Variants in CRTAC1 observed in about 807,000 individuals in gnomAD.
CRTAC1 encodes acidic secreted protein in cartilage.
CRTAC1 carries 37 observed loss-of-function variants against 67.8 expected under a neutral mutation model. The ratio of observed to expected loss-of-function variants is 0.55; its 90% CI spans 0.42 to 0.72. The LOEUF is 0.72. Ranked by LOEUF, CRTAC1 falls within the 30% of genes least tolerant of loss-of-function variation. The pLI is 0.00. For missense variants in CRTAC1, 780 were observed against 931.6 expected (o/e 0.84, Z 2.12); for synonymous variants, 348 against 371.0 (o/e 0.94, Z 0.71).
intron 14 of CRTAC1, among the ~76,000 whole-genome samples, chr10:97,877,583 C>T (rs972814848): frequency 3.9e-5 from 6 of 152,180 alleles, no homozygotes; most frequent in Non-Finnish European, 8.8e-5. Context: ...TACCATTGTA[C>T]GCCTAGAGCC....
At chr10:97,879,793 C>T (rs2050188234) in intron 14 of CRTAC1, 9 of 1,548,292 alleles carry the variant, frequency 5.8e-6, no homozygotes, top group South Asian at 1.2e-5. Context: ...CCTAAAAAGG[C>T]CACTTGAGCT....
At chr10:97,906,772 T>G (rs2050618192) in intron 6 of CRTAC1, among the ~76,000 whole-genome samples, 2 of 152,104 alleles carry the variant, frequency 1.3e-5, no homozygotes, top group South Asian at 4.2e-4. Flanking sequence ...TGGGGGTGGG[T>G]GTGCATTCTG....
chr10:97,941,712 T>A (rs1158748330), intron 2 of CRTAC1, among the ~76,000 whole-genome samples: 2 of 152,112 alleles, frequency 1.3e-5, no homozygotes, highest in Non-Finnish European at 2.9e-5. Context: ...TCTTCTTTCC[T>A]CCTCCACTGC....
At chr10:98,015,105 T>C (rs949350666) in intron 1 of CRTAC1, among the ~76,000 whole-genome samples, 3 of 152,214 alleles carry the variant, frequency 2.0e-5, no homozygotes, top group Non-Finnish European at 4.4e-5. Flanking sequence ...CAGTGCAATA[T>C]TATTCAGCTT....
intron 2 of CRTAC1, among the ~76,000 whole-genome samples, chr10:97,990,667 ACT>A (rs1392117421): frequency 6.6e-6 from 1 of 152,136 alleles, no homozygotes; most frequent in Non-Finnish European, 1.5e-5. Context: ...AGGCACATTG[ACT>A]CTCTTTCTGA....
intron 1 of CRTAC1, among the ~76,000 whole-genome samples, chr10:98,024,604 G>A (rs1478670670): frequency 1.3e-5 from 2 of 152,028 alleles, no homozygotes; most frequent in African/African-American, 4.8e-5. Context: ...CCAGGGTACT[G>A]GAATTTTTCC....
chr10:97,896,686 G>A (rs887313164), intron 9 of CRTAC1, among the ~76,000 whole-genome samples: 2 of 152,150 alleles, frequency 1.3e-5, no homozygotes, highest in Non-Finnish European at 2.9e-5. Flanking sequence ...CATCAGCCTG[G>A]GATTGGGGGA....
intron 2 of CRTAC1, among the ~76,000 whole-genome samples, chr10:97,952,205 A>T (rs1003562091): frequency 2.0e-5 from 3 of 152,004 alleles, no homozygotes; most frequent in African/African-American, 7.3e-5. Context: ...ACAAAAAATT[A>T]GCCAGGTGTG....
chr10:97,993,635 A>G (rs1192267874), intron 2 of CRTAC1, among the ~76,000 whole-genome samples: 1 of 152,202 alleles, frequency 6.6e-6, no homozygotes, highest in Non-Finnish European at 1.5e-5. Flanking sequence ...TCCTTAAATC[A>G]ATCACTCTGA....
intron 4 of CRTAC1, among the ~76,000 whole-genome samples, chr10:97,918,886 C>T (rs1424626023): frequency 1.3e-5 from 2 of 151,780 alleles, no homozygotes; most frequent in African/African-American, 2.4e-5. Context: ...CAGGTTCAAG[C>T]GATTGCCCTG....
At chr10:97,877,348 A>C (rs1032825180) in intron 14 of CRTAC1, among the ~76,000 whole-genome samples, 1 of 152,180 alleles carries the variant, frequency 6.6e-6, no homozygotes, top group Non-Finnish European at 1.5e-5. Flanking sequence ...TTACCATTAC[A>C]TACCTAGAGC....
chr10:97,962,633 T>C (rs2051544554), intron 2 of CRTAC1, among the ~76,000 whole-genome samples: 1 of 152,178 alleles, frequency 6.6e-6, no homozygotes, highest in African/African-American at 2.4e-5. Context: ...CCAGGGCTAC[T>C]GGTGCCATGA....
In CRTAC1 at chr10:97,889,456, G is replaced by GT. The variant is rs1268160973; in HGVS notation, c.1487-5106_1487-5105insA. Among the ~76,000 whole-genome samples the GT allele has an allele frequency of 6.6e-4, 94 of 141,862 alleles. No individual in the cohort carries two copies. The South Asian group carries it at 0.015, about 22-fold the overall frequency. 93.1% of individuals were successfully genotyped at this position (141,862 alleles called of 152,430 possible). ...GAAGAGGGGCTGTGGAACTTGGTGG[G>GT]GGGGGGTCCACTGAGCAAGGCAGGG... On this transcript the variant is annotated intron_variant, in intron 11 of 14. Transcript: ENST00000370597.
intron 2 of CRTAC1, among the ~76,000 whole-genome samples, chr10:97,939,528 T>A (rs1010616546): frequency 6.6e-6 from 1 of 152,156 alleles, no homozygotes; most frequent in African/African-American, 2.4e-5. Context: ...TGGCACCCCA[T>A]GGTGCAAGGC....
In CRTAC1 at chr10:97,901,584, G is replaced by C; in HGVS notation, c.1052C>G (p.Ala351Gly). The change falls in exon 8 of 15, where the codon GCC (alanine) becomes GGC (glycine). Residue 351 changes from alanine (A) to glycine (G), a missense_variant. Physicochemically the swap from Ala to Gly is moderately conservative, Grantham distance 60. Transcript: ENST00000370597. ...MPSPVRTVIT[A>G]DFDNDQELEI... The stretch of plus-strand genomic sequence containing the variant: ...CAGCTCCTGGTCATTGTCAAAGTCG[G>C]CGGTGATGACCGTGCGGACAGGGGA... 8 of 1,614,230 alleles carry C rather than the reference G, an allele frequency of 5.0e-6. No individual in the cohort carries two copies. The highest frequency in any genetic ancestry group is 6.8e-6 in the Non-Finnish European group (8 of 1,180,046).
In CRTAC1 at chr10:97,895,162, C is replaced by T; in HGVS notation, c.1486+83G>A. 2 of 1,402,018 alleles carry T rather than the reference C, an allele frequency of 1.4e-6. No homozygotes were observed. The highest frequency in any genetic ancestry group is 2.0e-6 in the Non-Finnish European group (2 of 1,016,842). 86.8% of individuals were successfully genotyped at this position (1,402,018 alleles called of 1,614,324 possible). On this transcript the variant is annotated intron_variant, in intron 11 of 14. Coordinates refer to ENST00000370597, the MANE Select transcript of CRTAC1 (RefSeq NM_018058.7). This position sits in a 1 kb window ranked among gnomAD's most constrained non-coding sequence, Gnocchi z 4.2. ...GCTGTCACAGTAGAGCGGAGCGGTG[C>T]CCAAGGATGCTCGGGCTGTGAGTCC...
At chr10:97,936,618 G>A (rs1216002025) in intron 2 of CRTAC1, among the ~76,000 whole-genome samples, 1 of 152,256 alleles carries the variant, frequency 6.6e-6, no homozygotes, top group Non-Finnish European at 1.5e-5. Context: ...ATAAGCAGCA[G>A]GGTGGCAGAG....
At chr10:97,898,972 C>G (rs2050497859) in intron 8 of CRTAC1, among the ~76,000 whole-genome samples, 2 of 152,108 alleles carry the variant, frequency 1.3e-5, no homozygotes, top group Non-Finnish European at 2.9e-5. Flanking sequence ...TGCTGAGTTC[C>G]CTGGGTGCTG....
At position 97,915,019 on chromosome 10, in the gene CRTAC1, A is replaced by C. The variant is rs1590205201; in HGVS notation, c.715+2481T>G. ...CTCCCCTCCCCCTCCCGCAGTGCTG[A>C]AGGCCGGTACCTGGATAGCACCTTT... On this transcript the variant is annotated intron_variant, in intron 5 of 14. Coordinates refer to ENST00000370597, the MANE Select transcript of CRTAC1 (RefSeq NM_018058.7). 2.0e-5 allele frequency among the ~76,000 whole-genome samples: 3 copies of C among 151,838 alleles called. No homozygotes were observed. In the East Asian group the frequency reaches 5.8e-4, roughly 29 times the overall value.
Sources: gnomAD v4.1 joint callset for allele counts (sites outside exome capture counted in the v4.1 genomes callset) on GRCh38, gnomAD v4.1.1 for gene constraint, Gnocchi (gnomAD v3.1) non-coding constraint, MANE v1.5 for transcripts, NCBI Gene and HGNC (gene_info 2026-07-23, HGNC 2026-07-21) for gene names.